TF: variants seen among roughly 807,000 people sequenced by gnomAD.
TF encodes transferrin.
In TF, 55 loss-of-function variants were observed where a neutral mutation model predicts 82.4. That is an observed-to-expected ratio of 0.67 (90% confidence interval 0.54 to 0.84). The LOEUF is 0.84. Ranked by LOEUF, TF falls within the 40% of genes least tolerant of loss-of-function variation. The probability of loss-of-function intolerance (pLI) is 0.00; values close to 1 mark genes in which losing one functional copy is unlikely to be tolerated. For synonymous variants in TF, 332 were observed against 332.6 expected (o/e 1.00, Z 0.02); for missense variants, 737 against 868.4 (o/e 0.85, Z 1.90).
chr3:133,722,860 A>G, the TF span, among the ~76,000 whole-genome samples: 1 of 152,158 alleles, frequency 6.6e-6, no homozygotes, highest in Admixed American at 6.5e-5. Flanking sequence ...AATTACTTCT[A>G]CTGGTAAGTT....
At chr3:133,747,435 C>T (rs1933533721) in intron 1 of TF, among the ~76,000 whole-genome samples, 1 of 152,150 alleles carries the variant, frequency 6.6e-6, no homozygotes, top group Non-Finnish European at 1.5e-5. Context: ...CCCTGGTGGC[C>T]CCTCCTCATG....
chr3:133,724,556 C>A, the TF span, among the ~76,000 whole-genome samples: 5 of 152,092 alleles, frequency 3.3e-5, no homozygotes, highest in African/African-American at 1.2e-4. Context: ...TGGATATTAG[C>A]CCTTTGTCAG....
the TF span, among the ~76,000 whole-genome samples, chr3:133,675,557 C>G: frequency 6.6e-6 from 1 of 152,198 alleles, no homozygotes. Flanking sequence ...AAATGTTCTT[C>G]TAGAAAGTTC....
At chr3:133,772,632 G>C (rs1934288358) in intron 14 of TF, 1 of 152,086 alleles carries the variant, frequency 6.6e-6, no homozygotes, top group South Asian at 2.1e-4. Flanking sequence ...TCCTTATAGA[G>C]AATCCTGCTA....
At chr3:133,672,817 AAAAG>A in the TF span, among the ~76,000 whole-genome samples, 21,982 of 151,096 alleles carry the variant, frequency 0.15, 1,848 homozygotes, top group Non-Finnish European at 0.19. Flanking sequence ...AAGAGAAAGA[AAAAG>A]AAAGAAAAAA....
chr3:133,675,794 G>T, the TF span, among the ~76,000 whole-genome samples: 1 of 152,152 alleles, frequency 6.6e-6, no homozygotes, highest in African/African-American at 2.4e-5. Context: ...CTGTGTTTTA[G>T]TTGGGTATGA....
chr3:133,733,002 C>T, the TF span, among the ~76,000 whole-genome samples: 10 of 152,302 alleles, frequency 6.6e-5, no homozygotes, highest in South Asian at 2.1e-4. Flanking sequence ...TGTCCTAATT[C>T]GTGCAGTTAT....
At chr3:133,754,411 C>T in intron 3 of TF, 84 bp from the exon 4 acceptor site, 1 of 1,434,878 alleles carries the variant, frequency 7.0e-7, no homozygotes, top group Non-Finnish European at 9.8e-7. Context: ...CTCCGCTCCC[C>T]TCCCTCCTCA....
At chr3:133,757,126 C>T (rs1460620331) in intron 7 of TF, 117 bp downstream of exon 7, 13 of 1,334,754 alleles carry the variant, frequency 9.7e-6, no homozygotes, top group East Asian at 4.7e-5. Flanking sequence ...CAGTGGGAGC[C>T]ATGCCACATG....
chr3:133,711,859 C>T, the TF span, among the ~76,000 whole-genome samples: 6 of 152,124 alleles, frequency 3.9e-5, no homozygotes, highest in Non-Finnish European at 8.8e-5. Flanking sequence ...CCACTGCACT[C>T]ACCGTCATTT....
At chr3:133,741,754 C>T (rs922714966), upstream of TF, among the ~76,000 whole-genome samples, 2 of 152,256 alleles carry the variant, frequency 1.3e-5, no homozygotes, top group Middle Eastern at 6.8e-3. Flanking sequence ...GCTTACATTC[C>T]TGGAATAAAC....
At chr3:133,773,315 A>G (rs1934304291) in intron 14 of TF, 1 of 152,184 alleles carries the variant, frequency 6.6e-6, no homozygotes, top group African/African-American at 2.4e-5. Flanking sequence ...GGCGTGCACC[A>G]CCACGACCAG....
the TF span, among the ~76,000 whole-genome samples, chr3:133,684,530 C>G: frequency 6.6e-6 from 1 of 152,080 alleles, no homozygotes; most frequent in Non-Finnish European, 1.5e-5. Context: ...ATATCACCAC[C>G]AATCCCACAG....
chr3:133,674,540 C>T, the TF span, among the ~76,000 whole-genome samples: 3 of 152,212 alleles, frequency 2.0e-5, no homozygotes, highest in East Asian at 1.9e-4. Context: ...CTGCTTGCTC[C>T]GGCGGGGTAA....
chr3:133,666,811 T>C, the TF span, among the ~76,000 whole-genome samples: 1 of 150,904 alleles, frequency 6.6e-6, no homozygotes, highest in East Asian at 2.0e-4. Context: ...CTGAGGCAGG[T>C]AGATCATGAG....
At chr3:133,728,348 C>T in the TF span, among the ~76,000 whole-genome samples, 13 of 152,064 alleles carry the variant, frequency 8.5e-5, no homozygotes, top group East Asian at 3.9e-4. Context: ...AGGCTTTGTT[C>T]GTTTCTTTTT....
In TF at chr3:133,783,214, A is replaced by T. The variant is rs1334202726; in HGVS notation, c.*4594A>T. On this transcript the variant is annotated 3_prime_UTR_variant, in exon 17 of 17. Coordinates refer to ENST00000402696, the MANE Select transcript of TF (RefSeq NM_001063.4). ...AAATATATTCAACGAAGCTTATTTT[A>T]AAAAATGAAATGTATAATGATGACT... The T allele has an allele frequency of 2.0e-5, 3 of 152,256 alleles. No homozygotes were observed. Among genetic ancestry groups the T allele is most frequent in the Non-Finnish European group, 4.4e-5 (3 of 68,050 alleles). The allele number at this position is 152,256 out of a possible 1,614,324, so 9.4% of individuals were successfully genotyped here.
chr3:133,682,180 A>C, the TF span, among the ~76,000 whole-genome samples: 1 of 152,118 alleles, frequency 6.6e-6, no homozygotes, highest in Middle Eastern at 3.2e-3. Context: ...AAAAGACATC[A>C]ACACCAAAAC....
At chr3:133,672,752 A>C in the TF span, among the ~76,000 whole-genome samples, 1 of 133,316 alleles carries the variant, frequency 7.5e-6, no homozygotes, top group African/African-American at 2.8e-5. Context: ...AAGGGGAGGG[A>C]AAGGAAGGGG....
Sources: allele counts gnomAD v4.1 joint callset (sites outside exome capture counted in the v4.1 genomes callset), GRCh38; gene constraint gnomAD v4.1.1; transcripts MANE v1.5; gene names NCBI Gene and HGNC (gene_info 2026-07-23, HGNC 2026-07-21).